The following MAD1L1 variants were observed in gnomAD, a reference collection of about 807,000 sequenced individuals.
The protein encoded by MAD1L1 is mitotic arrest deficient 1 like 1.
Under a neutral mutation model 96.9 loss-of-function variants are expected in MAD1L1, and 95 were observed. That is an observed-to-expected ratio of 0.98 (90% confidence interval 0.83 to 1.16). The LOEUF is 1.16. MAD1L1 is among the 50% of genes most tolerant of loss of function. The probability of loss-of-function intolerance (pLI) is 0.00; values close to 1 mark genes in which losing one functional copy is unlikely to be tolerated. For missense variants in MAD1L1, 1,007 were observed against 954.4 expected (o/e 1.06, Z -0.73); for synonymous variants, 473 against 396.6 (o/e 1.19, Z -2.29).
At chr7:2,004,568 G>T (rs1781947250) in intron 13 of MAD1L1, among the ~76,000 whole-genome samples, 1 of 152,254 alleles carries the variant, frequency 6.6e-6, no homozygotes, top group South Asian at 2.1e-4. Context: ...GCTCTCCTGT[G>T]CCTCCCGACA....
intron 16 of MAD1L1, among the ~76,000 whole-genome samples, chr7:1,940,964 GCAGGCCTCAC>G (rs1778942426): frequency 2.2e-4 from 14 of 64,390 alleles, no homozygotes; most frequent in African/African-American, 4.8e-4. Flanking sequence ...TCCTCCCCCC[GCAGGCCTCAC>G]CCTCCTCTTC....
At chr7:2,002,796 C>G (rs1781856875) in intron 13 of MAD1L1, among the ~76,000 whole-genome samples, 1 of 152,250 alleles carries the variant, frequency 6.6e-6, no homozygotes, top group African/African-American at 2.4e-5. Flanking sequence ...GTCCAGCTCC[C>G]TGCTGGGGAC....
intron 18 of MAD1L1, chr7:1,848,427 T>C (rs4721110): frequency 0.64 from 97,532 of 152,902 alleles, 31,398 homozygotes; most frequent in South Asian, 0.79. Flanking sequence ...CGGGCCCTCA[T>C]GCTGAATAGG....
intron 10 of MAD1L1, 72 bp from the exon 11 acceptor site, chr7:2,149,310 G>A: frequency 1.5e-6 from 2 of 1,293,696 alleles, no homozygotes; most frequent in Non-Finnish European, 2.2e-6. Flanking sequence ...ACACAAAACA[G>A]AAGGCCAAAA....
intron 10 of MAD1L1, among the ~76,000 whole-genome samples, chr7:2,160,171 C>A (rs1352619841): frequency 6.6e-6 from 1 of 150,450 alleles, no homozygotes; most frequent in Non-Finnish European, 1.5e-5. Context: ...GCAGAGGCTA[C>A]AGTGAGCTAT....
chr7:1,839,400 C>G (rs1441837410), intron 18 of MAD1L1, among the ~76,000 whole-genome samples: 1 of 151,604 alleles, frequency 6.6e-6, no homozygotes, highest in Non-Finnish European at 1.5e-5. Context: ...ATCCTGCCCA[C>G]CCGGTGCCAT....
At chr7:2,105,834 C>A (rs735932) in intron 11 of MAD1L1, among the ~76,000 whole-genome samples, 2 of 152,092 alleles carry the variant, frequency 1.3e-5, no homozygotes, top group South Asian at 4.1e-4. Flanking sequence ...CTCACCCACC[C>A]CGCTCCCCAG....
chr7:1,870,941 T>C (rs112057228), intron 18 of MAD1L1, among the ~76,000 whole-genome samples: 4,122 of 36,172 alleles, frequency 0.11, no homozygotes, highest in Middle Eastern at 0.27. Flanking sequence ...ACGCCTGCCA[T>C]GCTGAACCCA....
intron 12 of MAD1L1, among the ~76,000 whole-genome samples, chr7:2,044,561 A>G (rs1252774035): frequency 6.6e-6 from 1 of 152,164 alleles, no homozygotes; most frequent in Admixed American, 6.5e-5. Context: ...ATGGTTCAGC[A>G]GGGCACAGAA....
At chr7:1,954,448 G>A (rs958187553) in intron 16 of MAD1L1, among the ~76,000 whole-genome samples, 2 of 152,082 alleles carry the variant, frequency 1.3e-5, no homozygotes, top group Non-Finnish European at 2.9e-5. Flanking sequence ...CAAAGCGCTG[G>A]GGCCCCAGCT....
At chr7:2,014,435 C>T in intron 13 of MAD1L1, 67 bp downstream of exon 13, 1 of 1,489,302 alleles carries the variant, frequency 6.7e-7, no homozygotes, top group Non-Finnish European at 8.9e-7. Flanking sequence ...CCGCCGCAGG[C>T]TCTGCCAAGG....
At chr7:1,949,810 C>T (rs2128470675) in intron 16 of MAD1L1, among the ~76,000 whole-genome samples, 1 of 152,352 alleles carries the variant, frequency 6.6e-6, no homozygotes, top group East Asian at 1.9e-4. Flanking sequence ...GGACTGGCAC[C>T]CCGTGCGGGG....
In MAD1L1 at chr7:2,071,742, G is replaced by A. The variant is rs1785139536; in HGVS notation, c.1074-2404C>T. Reference sequence around the variant, plus strand: ...AACCCAAAGGTTTCTCACCGGAGCAGGGAGCGCTTTCACTGTTCCTGGAGG... The same window carrying A: ...AACCCAAAGGTTTCTCACCGGAGCAAGGAGCGCTTTCACTGTTCCTGGAGG... On this transcript the variant is annotated intron_variant, in intron 11 of 18. Coordinates refer to ENST00000265854, the MANE Select transcript of MAD1L1 (RefSeq NM_001013836.2). 2.0e-5 allele frequency among the ~76,000 whole-genome samples: 3 copies of A among 152,004 alleles called. No individual in the cohort carries two copies. The South Asian group carries it at 6.2e-4, about 31-fold the overall frequency.
At chr7:2,222,800 G>C (rs757450383) in intron 4 of MAD1L1, 46 bp from the exon 5 acceptor site, 1 of 1,477,388 alleles carries the variant, frequency 6.8e-7, no homozygotes, top group Admixed American at 1.9e-5. Context: ...CCCACGGGAG[G>C]GTCAGCGGGG....
intron 10 of MAD1L1, among the ~76,000 whole-genome samples, chr7:2,183,642 T>C (rs71525362): frequency 0.14 from 21,806 of 151,854 alleles, 1,757 homozygotes; most frequent in Middle Eastern, 0.27. Flanking sequence ...CTCAGCAAAC[T>C]ATCACAAGGA....
intron 12 of MAD1L1, among the ~76,000 whole-genome samples, chr7:2,052,676 G>C (rs192209894): frequency 2.0e-5 from 3 of 152,180 alleles, no homozygotes; most frequent in Admixed American, 6.5e-5. Flanking sequence ...AAATATGCAC[G>C]TATCAGTGTG....
At chr7:1,971,273 A>C (rs1780393475) in intron 15 of MAD1L1, among the ~76,000 whole-genome samples, 1 of 152,186 alleles carries the variant, frequency 6.6e-6, no homozygotes, top group South Asian at 2.1e-4. Flanking sequence ...CCAGTAAGAA[A>C]CACAAGCGAT....
At chr7:1,941,130 G>A (rs150642962) in intron 16 of MAD1L1, among the ~76,000 whole-genome samples, 1 of 151,904 alleles carries the variant, frequency 6.6e-6, no homozygotes, top group Admixed American at 6.6e-5. Flanking sequence ...CTACTTAGCA[G>A]ATAGGGGGAC....
intron 10 of MAD1L1, among the ~76,000 whole-genome samples, chr7:2,177,661 T>C (rs1401452213): frequency 1.3e-5 from 2 of 152,212 alleles, no homozygotes; most frequent in African/African-American, 4.8e-5. Context: ...CATTTCATGT[T>C]TGAAAATTAT....
Sources: gnomAD v4.1 joint callset for allele counts (sites outside exome capture counted in the v4.1 genomes callset) on GRCh38, gnomAD v4.1.1 for gene constraint, MANE v1.5 for transcripts, NCBI Gene and HGNC (gene_info 2026-07-23, HGNC 2026-07-21) for gene names.